ADGRL3: variants seen among roughly 807,000 people sequenced by gnomAD.
ADGRL3 encodes the protein calcium-independent alpha-latrotoxin receptor 3.
ADGRL3 carries 62 observed loss-of-function variants against 153.5 expected under a neutral mutation model. The ratio of observed to expected loss-of-function variants is 0.40; its 90% confidence interval spans 0.33 to 0.50. The LOEUF is 0.50. Ranked by LOEUF, ADGRL3 falls within the 20% of genes least tolerant of loss-of-function variation. ADGRL3 has a pLI of 0.47. For synonymous variants in ADGRL3, 710 were observed against 672.5 expected (o/e 1.06, Z -0.86); for missense variants, 1,641 against 1,859.4 (o/e 0.88, Z 2.16).
intron 6 of ADGRL3, among the ~76,000 whole-genome samples, chr4:61,681,956 T>C (rs994473611): frequency 1.3e-5 from 2 of 152,022 alleles, no homozygotes; most frequent in South Asian, 4.1e-4. Flanking sequence ...ATTCAATAAA[T>C]ATGTATTGAA....
intron 2 of ADGRL3, among the ~76,000 whole-genome samples, chr4:61,441,539 A>T (rs2097528594): frequency 6.7e-6 from 1 of 150,262 alleles, no homozygotes; most frequent in African/African-American, 2.5e-5. Flanking sequence ...TTTTTCCTCC[A>T]GACGGAGTCT....
At chr4:61,822,987 T>C (rs2097769432) in intron 9 of ADGRL3, among the ~76,000 whole-genome samples, 1 of 152,176 alleles carries the variant, frequency 6.6e-6, no homozygotes, top group South Asian at 2.1e-4. Flanking sequence ...GATTCTCCCC[T>C]TGATCACTGT....
At chr4:61,952,789 C>G (rs2098952231) in intron 17 of ADGRL3, among the ~76,000 whole-genome samples, 1 of 152,146 alleles carries the variant, frequency 6.6e-6, no homozygotes, top group Admixed American at 6.5e-5. Context: ...AACTCAGACT[C>G]AGAAAAACGA....
chr4:61,679,192 G>T (rs1433632826), intron 6 of ADGRL3, among the ~76,000 whole-genome samples: 6 of 151,920 alleles, frequency 3.9e-5, no homozygotes, highest in African/African-American at 1.4e-4. Flanking sequence ...ACCTCATATG[G>T]CAATAAAGGG....
chr4:61,325,552 T>C (rs935834603), intron 1 of ADGRL3, among the ~76,000 whole-genome samples: 1 of 152,208 alleles, frequency 6.6e-6, no homozygotes, highest in African/African-American at 2.4e-5. Context: ...TTTCTCTTTT[T>C]CATTTAGCAA....
At chr4:61,960,659 T>C (rs906673797) in intron 17 of ADGRL3, among the ~76,000 whole-genome samples, 9 of 152,216 alleles carry the variant, frequency 5.9e-5, no homozygotes, top group East Asian at 3.8e-4. Context: ...TCCTAAATGA[T>C]GTAATGATGT....
intron 1 of ADGRL3, among the ~76,000 whole-genome samples, chr4:61,325,778 A>T (rs1303394409): frequency 6.6e-6 from 1 of 152,330 alleles, no homozygotes; most frequent in East Asian, 1.9e-4. Flanking sequence ...TTAATAAAGT[A>T]ATCAAATTAT....
rs779965771 is a variant in ADGRL3 at position 61,813,817 on chromosome 4, C to T, written c.1408C>T (p.His470Tyr). ...TTGTTTTGGGTCCACAGGGCAGGCA[C>T]ATCATGGACAAGTTTCATACATTTC... ...GPLDSRSGQA[H>Y]HGQVSYISPP... The change falls in exon 9 of 27, where the codon CAT becomes TAT. Residue 470 changes from histidine (H) to tyrosine (Y), a missense_variant. His to Tyr is a moderately conservative substitution (Grantham distance 83). This residue lies in a region of ADGRL3 where 734 missense variants were observed against 797.0 expected (regional missense o/e 0.92). Coordinates refer to ENST00000683033, the MANE Select transcript of ADGRL3 (RefSeq NM_001387552.1). 4 of 1,580,396 alleles carry T rather than the reference C, an allele frequency of 2.5e-6. No individual in the cohort carries two copies. In the South Asian group the frequency reaches 3.3e-5, roughly 13 times the overall value.
At chr4:61,694,629 G>T (rs1311785865) in intron 6 of ADGRL3, among the ~76,000 whole-genome samples, 1 of 152,054 alleles carries the variant, frequency 6.6e-6, no homozygotes, top group African/African-American at 2.4e-5. Flanking sequence ...GACTGATCAG[G>T]GTGGTAGTTG....
At chr4:61,903,980 G>A (rs116114070) in intron 11 of ADGRL3, among the ~76,000 whole-genome samples, 1 of 151,400 alleles carries the variant, frequency 6.6e-6, no homozygotes, top group Non-Finnish European at 1.5e-5. Context: ...TGTTGCCCAG[G>A]CTGGTCTCCA....
chr4:61,212,679 G>A (rs760095826), intron 1 of ADGRL3, among the ~76,000 whole-genome samples: 21 of 152,058 alleles, frequency 1.4e-4, no homozygotes, highest in Non-Finnish European at 2.8e-4. Flanking sequence ...ATTTTCATTT[G>A]AAAGTACCAA....
intron 25 of ADGRL3, among the ~76,000 whole-genome samples, chr4:62,064,006 A>G (rs1337798600): frequency 3.3e-5 from 5 of 152,124 alleles, no homozygotes; most frequent in Non-Finnish European, 7.4e-5. Flanking sequence ...ACTTGATTCA[A>G]TAGTCTTAAT....
At chr4:61,818,325 G>A (rs1248976552) in intron 9 of ADGRL3, among the ~76,000 whole-genome samples, 2 of 152,172 alleles carry the variant, frequency 1.3e-5, no homozygotes, top group African/African-American at 4.8e-5. Context: ...CTCACATCCA[G>A]GTTACACTGA....
chr4:61,536,413 T>A (rs925676259), intron 4 of ADGRL3, among the ~76,000 whole-genome samples: 2 of 152,114 alleles, frequency 1.3e-5, no homozygotes, highest in African/African-American at 4.8e-5. Flanking sequence ...CTCAAGAGTC[T>A]AGTTTAAGTC....
chr4:61,953,992 A>G (rs116137616), intron 17 of ADGRL3, among the ~76,000 whole-genome samples: 284 of 152,144 alleles, frequency 1.9e-3, no homozygotes, highest in Non-Finnish European at 2.8e-3. Context: ...GCATAATCCT[A>G]TATACCTGCT....
chr4:61,285,362 A>G (rs1244680564), intron 1 of ADGRL3, among the ~76,000 whole-genome samples: 1 of 151,854 alleles, frequency 6.6e-6, no homozygotes, highest in African/African-American at 2.4e-5. Context: ...CAAGTCAACT[A>G]CTTCAGTAAT....
At chr4:61,290,119 A>G (rs2150132500) in intron 1 of ADGRL3, among the ~76,000 whole-genome samples, 1 of 152,258 alleles carries the variant, frequency 6.6e-6, no homozygotes, top group Non-Finnish European at 1.5e-5. Flanking sequence ...CTATTAGATC[A>G]TAGGTACAGA....
intron 9 of ADGRL3, among the ~76,000 whole-genome samples, chr4:61,874,400 G>A (rs1266111538): frequency 1.3e-5 from 2 of 152,106 alleles, no homozygotes; most frequent in Non-Finnish European, 2.9e-5. Flanking sequence ...GTTAGAGTTT[G>A]CTATAATGTA....
chr4:61,461,539 A>T (rs973192585), intron 2 of ADGRL3, among the ~76,000 whole-genome samples: 4 of 152,202 alleles, frequency 2.6e-5, no homozygotes, highest in Admixed American at 1.3e-4. Context: ...AAATATTCAT[A>T]TAAACAAATA....
Sources: allele counts gnomAD v4.1 joint callset (sites outside exome capture counted in the v4.1 genomes callset), GRCh38; gene constraint gnomAD v4.1.1; regional missense constraint gnomAD v4.1.1; transcripts MANE v1.5; gene names NCBI Gene and HGNC (gene_info 2026-07-23, HGNC 2026-07-21).